The following RIMKLB variants were observed in gnomAD, a reference collection of about 807,000 sequenced individuals.
The protein encoded by RIMKLB is beta-citrylglutamate synthase B.
Under a neutral mutation model 32.0 loss-of-function variants are expected in RIMKLB, and 7 were observed. That is an observed-to-expected ratio of 0.22 (90% confidence interval 0.12 to 0.41). The LOEUF (loss-of-function observed/expected upper bound fraction) is 0.41. RIMKLB is among the 10% of genes least tolerant of loss of function. RIMKLB has a pLI of 1.00. For missense variants in RIMKLB, 289 were observed against 498.7 expected (o/e 0.58, Z 4.00); for synonymous variants, 172 against 185.1 (o/e 0.93, Z 0.57).
chr12:8,711,081 A>C (rs768431696), intron 1 of RIMKLB, among the ~76,000 whole-genome samples: 1 of 152,058 alleles, frequency 6.6e-6, no homozygotes, highest in Non-Finnish European at 1.5e-5. Context: ...GAAAAGTACG[A>C]AAATTAGCTG....
intron 5 of RIMKLB, among the ~76,000 whole-genome samples, chr12:8,761,869 C>A (rs1171810873): frequency 6.6e-6 from 1 of 152,080 alleles, no homozygotes; most frequent in Non-Finnish European, 1.5e-5. Flanking sequence ...GGGAGGGGTG[C>A]CTTCGATGTC....
chr12:8,710,965 CAA>C lies in RIMKLB; in HGVS notation c.-56-2823_-56-2822del, dbSNP rs748394546. On this transcript the variant is annotated intron_variant, in intron 1 of 5. Coordinates refer to ENST00000535829, the MANE Select transcript of RIMKLB (RefSeq NM_001297776.2). Reference sequence around the variant, plus strand: ...CAACGTAGTGAGACCACATCTTTACCAAAAAAAAAAAAAAAAAAAAAAAATTA... The same window carrying C: ...CAACGTAGTGAGACCACATCTTTACCAAAAAAAAAAAAAAAAAAAAAATTA... 2.2e-3 allele frequency among the ~76,000 whole-genome samples: 143 copies of C among 65,758 alleles called. 1 individual carries two copies. Among genetic ancestry groups the C allele is most frequent in the Admixed American group, 3.7e-3 (22 of 5,932 alleles). The allele number at this position is 65,758 out of a possible 152,430, so 43.1% of individuals were successfully genotyped here. A position where few individuals can be genotyped will look rare whatever the true frequency, so the allele number is the denominator to read the frequency against.
chr12:8,775,737 T>C lies in RIMKLB; in HGVS notation c.*1953T>C, dbSNP rs368088232. On this transcript the variant is annotated 3_prime_UTR_variant, in exon 6 of 6. Transcript: ENST00000535829. ...ATATTAAAATTGAGTGAAAGGTTGATTGTTGATGAATAGAATAGTACCTCT... is the reference window on the plus strand; with the variant it reads ...ATATTAAAATTGAGTGAAAGGTTGACTGTTGATGAATAGAATAGTACCTCT... 20 of 985,036 alleles carry C rather than the reference T, an allele frequency of 2.0e-5. No individual in the cohort carries two copies. The African/African-American group carries it at 3.3e-4, about 16-fold the overall frequency. The allele number at this position is 985,036 out of a possible 1,614,324, so 61.0% of individuals were successfully genotyped here.
At chr12:8,766,562 G>A (rs1949985541) in intron 5 of RIMKLB, among the ~76,000 whole-genome samples, 1 of 152,200 alleles carries the variant, frequency 6.6e-6, no homozygotes, top group African/African-American at 2.4e-5. Flanking sequence ...GTTTGGCTGA[G>A]TGCAAACAGC....
intron 1 of RIMKLB, among the ~76,000 whole-genome samples, chr12:8,699,194 C>T (rs1441222692): frequency 6.6e-6 from 1 of 151,998 alleles, no homozygotes; most frequent in African/African-American, 2.4e-5. Context: ...ATATTGTTAC[C>T]ACATCTTTGT....
chr12:8,760,688 A>G (rs202145213), intron 5 of RIMKLB, among the ~76,000 whole-genome samples: 32,976 of 152,076 alleles, frequency 0.22, 4,041 homozygotes, highest in Non-Finnish European at 0.27. Flanking sequence ...CATTTCTCTG[A>G]TGGCCAGTGA....
upstream of RIMKLB, among the ~76,000 whole-genome samples, chr12:8,694,110 G>GT: frequency 6.6e-6 from 1 of 151,994 alleles, no homozygotes; most frequent in Middle Eastern, 3.4e-3. Context: ...CTGGGCGCCT[G>GT]TAATTCCAGC....
intron 5 of RIMKLB, among the ~76,000 whole-genome samples, chr12:8,762,807 GA>G (rs1194452216): frequency 1.4e-4 from 22 of 152,162 alleles, no homozygotes; most frequent in African/African-American, 4.6e-4. Context: ...CCTGCTTTTC[GA>G]AGTCCTTTTT....
chr12:8,734,864 C>G (rs115472087), intron 2 of RIMKLB, among the ~76,000 whole-genome samples: 2 of 152,120 alleles, frequency 1.3e-5, no homozygotes, highest in Non-Finnish European at 2.9e-5. Context: ...AAGAGGCAAA[C>G]TGAATTCTAT....
At position 8,774,904 on chromosome 12, in the gene RIMKLB, A is replaced by T; in HGVS notation, c.*1120A>T. 1.0e-6 allele frequency: 1 copy of T among 985,706 alleles called. No individual in the cohort carries two copies. 61.1% of individuals were successfully genotyped at this position (985,706 alleles called of 1,614,324 possible). A position where few individuals can be genotyped will look rare whatever the true frequency, so the allele number is the denominator to read the frequency against. ...TATGTGTGTGCACGCATGCATGTGTATGTGTTTTGCTTTTTGTTTCCATCA... is the reference window on the plus strand; with the variant it reads ...TATGTGTGTGCACGCATGCATGTGTTTGTGTTTTGCTTTTTGTTTCCATCA... On this transcript the variant is annotated 3_prime_UTR_variant, in exon 6 of 6. Transcript: ENST00000535829.
At chr12:8,707,698 G>A (rs984050798) in intron 1 of RIMKLB, among the ~76,000 whole-genome samples, 4 of 152,184 alleles carry the variant, frequency 2.6e-5, no homozygotes, top group African/African-American at 9.7e-5. Flanking sequence ...AAGCTGCCTA[G>A]GGGCTGCCAG....
At chr12:8,701,900 G>C (rs765203539) in intron 1 of RIMKLB, among the ~76,000 whole-genome samples, 38 of 151,838 alleles carry the variant, frequency 2.5e-4, no homozygotes, top group Non-Finnish European at 3.5e-4. Flanking sequence ...AGCTACTCGG[G>C]GGGGCTGAGG....
intron 5 of RIMKLB, among the ~76,000 whole-genome samples, chr12:8,754,786 T>C (rs1277726534): frequency 6.6e-6 from 1 of 152,064 alleles, no homozygotes; most frequent in African/African-American, 2.4e-5. Context: ...TATGTATATA[T>C]GTATGTATGT....
chr12:8,733,988 G>A (rs745409997), intron 2 of RIMKLB, among the ~76,000 whole-genome samples: 5 of 152,280 alleles, frequency 3.3e-5, no homozygotes, highest in African/African-American at 1.2e-4. Flanking sequence ...CAGTGTTTGA[G>A]GAGGACACTG....
intron 2 of RIMKLB, among the ~76,000 whole-genome samples, chr12:8,722,577 C>T (rs183312622): frequency 3.9e-5 from 6 of 152,318 alleles, no homozygotes; most frequent in Admixed American, 2.0e-4. Flanking sequence ...TGCCTTCGCT[C>T]CTAACAAAAG....
rs369058701 is a variant in RIMKLB at position 8,753,911 on chromosome 12, G to A, written c.515G>A (p.Arg172Gln). The change falls in exon 5 of 6, where the codon CGA becomes CAA. Residue 172 changes from arginine (R) to glutamine (Q), a missense_variant. Coordinates refer to ENST00000535829, the MANE Select transcript of RIMKLB (RefSeq NM_001297776.2). Reference protein sequence around the residue: ...GHRGKAVFLARDKHHLADLSH... With the variant: ...GHRGKAVFLAQDKHHLADLSH... The stretch of plus-strand genomic sequence containing the variant: ...ATAGGTAAAGCTGTTTTCTTGGCTC[G>A]AGATAAGCACCATTTGGCTGATCTA... 182 of 1,613,646 alleles carry A rather than the reference G, an allele frequency of 1.1e-4. No homozygotes were observed. In the African/African-American group the frequency reaches 2.0e-3, roughly 18 times the overall value.
At chr12:8,671,231 G>A in the RIMKLB span, among the ~76,000 whole-genome samples, 1 of 151,898 alleles carries the variant, frequency 6.6e-6, no homozygotes, top group Non-Finnish European at 1.5e-5. Context: ...TTTCTCCCCA[G>A]AAAACAGTTT....
At chr12:8,707,432 G>A (rs1052412387) in intron 1 of RIMKLB, among the ~76,000 whole-genome samples, 2 of 152,196 alleles carry the variant, frequency 1.3e-5, no homozygotes, top group Admixed American at 6.5e-5. Context: ...AAAGGGGCAC[G>A]GAGCTTCTTT....
At chr12:8,731,158 G>A (rs955482022) in intron 2 of RIMKLB, among the ~76,000 whole-genome samples, 12 of 152,042 alleles carry the variant, frequency 7.9e-5, no homozygotes, top group Non-Finnish European at 5.9e-5. Context: ...GTGCAGTGGC[G>A]CAATCTCGGC....
Sources: gnomAD v4.1 joint callset for allele counts (sites outside exome capture counted in the v4.1 genomes callset) on GRCh38, gnomAD v4.1.1 for gene constraint, MANE v1.5 for transcripts, NCBI Gene and HGNC (gene_info 2026-07-23, HGNC 2026-07-21) for gene names.